ASB15: variants seen among roughly 807,000 people sequenced by gnomAD.
ASB15 encodes ankyrin repeat and SOCS box protein 15.
In ASB15, 54 loss-of-function variants were observed where a neutral mutation model predicts 58.0. That is an observed-to-expected ratio of 0.93 (90% CI 0.75 to 1.17). ASB15 has a LOEUF of 1.17. ASB15 is among the 50% of genes most tolerant of loss of function. The probability of loss-of-function intolerance (pLI) is 0.00; values close to 1 mark genes in which losing one functional copy is unlikely to be tolerated. For missense variants in ASB15, 680 were observed against 707.4 expected, an observed-to-expected ratio of 0.96 and a Z score of 0.44; for synonymous variants, 249 against 262.4, an observed-to-expected ratio of 0.95 and a Z score of 0.50.
At chr7:123,570,093 G>C (rs1798867559) in intron 1 of ASB15, among the ~76,000 whole-genome samples, 1 of 144,782 alleles carries the variant, frequency 6.9e-6, no homozygotes, top group South Asian at 2.2e-4. Context: ...GGCTTGCAGT[G>C]GCACGATCTC....
chr7:123,620,538 ATATATATATATATATATT>A, intron 7 of ASB15, among the ~76,000 whole-genome samples: 1 of 17,758 alleles, frequency 5.6e-5, no homozygotes, highest in African/African-American at 2.2e-4. Flanking sequence ...ATATATATAT[ATATATATATATATATATT>A]TTTTTTTTTT....
chr7:123,624,655 G>C lies in ASB15; in HGVS notation c.538G>C (p.Ala180Pro). The stretch of plus-strand genomic sequence containing the variant: ...CCAGCCCTGTGTCAAGCGATGGTCA[G>C]CAATGCATGAAGCAGCCAAGCAAGG... ...LDQPCVKRWS[A>P]MHEAAKQGRK... Residue 180 changes from alanine (A) to proline (P), a missense_variant, in exon 8 of 12, where the codon GCA (alanine) becomes CCA (proline). Physicochemically the swap from Ala to Pro is conservative, Grantham distance 27. Coordinates refer to ENST00000451215, the MANE Select transcript of ASB15 (RefSeq NM_001290258.2). The C allele has an allele frequency of 6.2e-7, 1 of 1,614,156 alleles. No homozygotes were observed. The highest frequency in any genetic ancestry group is 2.2e-5 in the East Asian group (1 of 44,878).
upstream of ASB15, among the ~76,000 whole-genome samples, chr7:123,597,068 C>G (rs115332616): frequency 5.5e-3 from 833 of 152,302 alleles, 9 homozygotes; most frequent in African/African-American, 0.019. Flanking sequence ...CTCTTACACA[C>G]GGTTTTGCTT....
In ASB15 at chr7:123,620,527, TATATATATATATATATATATATATA is replaced by T. The variant is rs1562933210; in HGVS notation, c.451+2791_451+2815del. Among the ~76,000 whole-genome samples the T allele has an allele frequency of 2.7e-3, 49 of 18,320 alleles. 1 individual carries two copies. The highest frequency in any genetic ancestry group is 4.8e-3 in the Admixed American group (10 of 2,092). 12.0% of individuals were successfully genotyped at this position (18,320 alleles called of 152,430 possible). On this transcript the variant is annotated intron_variant, in intron 7 of 11. Coordinates refer to ENST00000451215, the MANE Select transcript of ASB15 (RefSeq NM_001290258.2). Reference sequence around the variant, plus strand: ...ACATACATATATATATATATATATATATATATATATATATATATATATATATATTTTTTTTTTTTTTTTTTTTTTT... The same window carrying T: ...ACATACATATATATATATATATATATTATTTTTTTTTTTTTTTTTTTTTTT...
At chr7:123,597,401 T>C (rs1799728668), upstream of ASB15, among the ~76,000 whole-genome samples, 1 of 152,234 alleles carries the variant, frequency 6.6e-6, no homozygotes, top group Non-Finnish European at 1.5e-5. Context: ...ATTATTAGTA[T>C]TGTTGTTAAT....
At chr7:123,597,683 T>C (rs1236783447), upstream of ASB15, among the ~76,000 whole-genome samples, 2 of 151,902 alleles carry the variant, frequency 1.3e-5, no homozygotes, top group Non-Finnish European at 2.9e-5. Flanking sequence ...AATACAAAAA[T>C]TAGAAGACGT....
At chr7:123,635,763 C>T (rs545566978) in intron 11 of ASB15, among the ~76,000 whole-genome samples, 8 of 150,730 alleles carry the variant, frequency 5.3e-5, no homozygotes, top group Middle Eastern at 3.4e-3. Context: ...GTCAGGAGTC[C>T]TCCAGCTATC....
In ASB15 at chr7:123,579,974, C is replaced by T. The variant is rs562162173; in HGVS notation, c.-443+12886C>T. Among the ~76,000 whole-genome samples the T allele has an allele frequency of 3.0e-4, 46 of 151,936 alleles. 1 individual carries two copies. Among genetic ancestry groups the T allele is most frequent in the African/African-American group, 1.1e-3 (46 of 41,460 alleles). On this transcript the variant is annotated intron_variant, in intron 1 of 13. Transcript: ENST00000451558. ...ACACCTCCTGTCCTTAAAAAAGTTA[C>T]AATAAATCCTGATGTAACAAAGGTA...
At chr7:123,578,367 G>A (rs1018264862) in intron 1 of ASB15, among the ~76,000 whole-genome samples, 2 of 151,698 alleles carry the variant, frequency 1.3e-5, no homozygotes, top group African/African-American at 4.8e-5. Context: ...TAGCCTCTAG[G>A]AAGTAATTTG....
At chr7:123,581,473 G>A (rs917676126) in intron 1 of ASB15, among the ~76,000 whole-genome samples, 1 of 150,944 alleles carries the variant, frequency 6.6e-6, no homozygotes, top group Non-Finnish European at 1.5e-5. Flanking sequence ...AGAGAAAGGG[G>A]ATCCCATCCA....
intron 3 of ASB15, chr7:123,609,132 CA>C (rs1295899161): frequency 6.6e-6 from 1 of 152,184 alleles, no homozygotes; most frequent in Non-Finnish European, 1.5e-5. Flanking sequence ...CAGTGTCCCC[CA>C]TTCCACACAG....
intron 1 of ASB15, among the ~76,000 whole-genome samples, chr7:123,584,070 T>G (rs805791): frequency 0.21 from 32,331 of 151,858 alleles, 3,658 homozygotes; most frequent in East Asian, 0.4. Flanking sequence ...TGGTGAGCTC[T>G]TCTAGCCACA....
rs545385636 is a variant in ASB15 at position 123,629,296 on chromosome 7, A to G, written c.1302A>G (p.Leu434=). 41 of 1,614,094 alleles carry G rather than the reference A, an allele frequency of 2.5e-5. No individual in the cohort carries two copies. In the South Asian group the frequency reaches 4.3e-4, roughly 17 times the overall value. The stretch of plus-strand genomic sequence containing the variant: ...TAAACGACGAGGTAATGCTGAGGCT[A>G]TTGCTGAATAATGGCTATCAAGTGG... ...YALNDEVMLR[L]LLNNGYQVEM... is the part of the protein sequence containing the mutation. Residue 434 remains leucine (L), a synonymous_variant, in exon 10 of 12, where the codon CTA becomes CTG. Coordinates refer to ENST00000451215, the MANE Select transcript of ASB15 (RefSeq NM_001290258.2).
intron 3 of ASB15, chr7:123,614,028 A>C (rs1800632617): frequency 6.5e-6 from 1 of 153,146 alleles, no homozygotes; most frequent in African/African-American, 2.4e-5. Flanking sequence ...CCCGAGCGAC[A>C]GAGCAAGACT....
At chr7:123,634,832 C>T (rs1181084097) in intron 11 of ASB15, among the ~76,000 whole-genome samples, 1 of 152,146 alleles carries the variant, frequency 6.6e-6, no homozygotes, top group East Asian at 1.9e-4. Flanking sequence ...TAATATGTAG[C>T]CCCCAAAGAA....
chr7:123,632,759 G>A (rs1346163512), intron 11 of ASB15, among the ~76,000 whole-genome samples: 1 of 151,444 alleles, frequency 6.6e-6, no homozygotes, highest in Non-Finnish European at 1.5e-5. Context: ...CCAAATCAAG[G>A]GAACATAAGA....
intron 1 of ASB15, among the ~76,000 whole-genome samples, chr7:123,586,806 A>G (rs968683896): frequency 1.3e-5 from 2 of 151,754 alleles, no homozygotes; most frequent in African/African-American, 4.8e-5. Context: ...TGAAAAGACT[A>G]TCGTTTCCTC....
intron 11 of ASB15, among the ~76,000 whole-genome samples, chr7:123,632,250 A>G (rs970472053): frequency 2.0e-5 from 3 of 152,158 alleles, no homozygotes; most frequent in Non-Finnish European, 4.4e-5. Context: ...AAAAATTCAG[A>G]AATCAGGTAA....
chr7:123,629,247 TC>T lies in ASB15; in HGVS notation c.1257del (p.Ser420ValfsTer7), dbSNP rs923451347. 6.8e-6 allele frequency: 11 copies of T among 1,613,918 alleles called. No homozygotes were observed. The highest frequency in any genetic ancestry group is 8.5e-6 in the Non-Finnish European group (10 of 1,179,804). On this transcript the variant is annotated frameshift_variant, in exon 10 of 12. Coordinates refer to ENST00000451215, the MANE Select transcript of ASB15 (RefSeq NM_001290258.2). LOFTEE classifies it high-confidence loss of function. ...TTTATGCATGTGAATGACACTCGTTTCCCCAGTGTCATTCAATATGCTCTAA... is the reference window on the plus strand; with the variant it reads ...TTTATGCATGTGAATGACACTCGTTTCCCAGTGTCATTCAATATGCTCTAA... ...CYFMHVNDTR[F>X]PSVIQYALND...
Sources: gnomAD v4.1 joint callset for allele counts (sites outside exome capture counted in the v4.1 genomes callset) on GRCh38, gnomAD v4.1.1 for gene constraint, MANE v1.5 for transcripts, NCBI Gene and HGNC (gene_info 2026-07-23, HGNC 2026-07-21) for gene names.